AHDC1: variants seen among roughly 807,000 people sequenced by gnomAD.
The protein encoded by AHDC1 is transcription factor Gibbin.
In AHDC1, 7 loss-of-function variants were observed where a neutral mutation model predicts 87.9. That is an observed-to-expected ratio of 0.08 (90% CI 0.05 to 0.15). The LOEUF is 0.15. AHDC1 is among the 10% of genes least tolerant of loss of function. The probability of loss-of-function intolerance (pLI) is 1.00; values close to 1 mark genes in which losing one functional copy is unlikely to be tolerated. For synonymous variants in AHDC1, 1,051 were observed against 1,006.8 expected, an observed-to-expected ratio of 1.04 and a Z score of -0.83; for missense variants, 1,841 against 2,253.2, an observed-to-expected ratio of 0.82 and a Z score of 3.70.
Position 27,548,800 on chromosome 1 carries a change from A to G in AHDC1, c.3316T>C (p.Ser1106Pro), listed in dbSNP as rs1351573731. The part of the protein sequence containing the change: ...PENCRQFAGA[S>P]QWPFRQGYGG... ...TAGCCCTGCCGGAAAGGCCACTGAG[A>G]AGCCCCCGCAAACTGCCGACAGTTC... is the stretch of plus-strand genomic sequence containing the variant. Residue 1106 changes from serine to proline, a missense_variant, in exon 8 of 9, where the codon TCT becomes CCT. Coordinates refer to ENST00000673934, the MANE Select transcript of AHDC1 (RefSeq NM_001371928.1). 6.2e-6 allele frequency: 10 copies of G among 1,612,742 alleles called. No individual in the cohort carries two copies. The highest frequency in any genetic ancestry group is 8.5e-6 in the Non-Finnish European group (10 of 1,179,768).
In AHDC1 at chr1:27,593,557, C is replaced by T. The variant is rs534305225; in HGVS notation, c.-629+9840G>A. Among the ~76,000 whole-genome samples, 1 of 152,354 alleles carries T rather than the reference C, an allele frequency of 6.6e-6. No individual in the cohort carries two copies. The highest frequency in any genetic ancestry group is 2.4e-5 in the African/African-American group (1 of 41,576). ...GGCCCTTGGTGCTGCCCCAGTCCCA[C>T]AGCCACGGCTCCAGCTGGGGTCAGG... On this transcript the variant is annotated intron_variant, in intron 3 of 8. Transcript: ENST00000673934. The surrounding 1 kb of genome is among the most constrained non-coding windows in gnomAD (Gnocchi z 4.9).
chr1:27,539,690 C>A (rs2018817946), intron 8 of AHDC1, among the ~76,000 whole-genome samples: 1 of 152,120 alleles, frequency 6.6e-6, no homozygotes, highest in Non-Finnish European at 1.5e-5. Flanking sequence ...GTGATCCACC[C>A]ACCTCGGCCT....
chr1:27,579,094 G>C (rs1215396921), intron 3 of AHDC1, among the ~76,000 whole-genome samples: 1 of 149,208 alleles, frequency 6.7e-6, no homozygotes, highest in African/African-American at 2.5e-5. Context: ...ACTCAGGCTA[G>C]AGTGCAGCGG....
rs2020278692 is a variant in AHDC1, at chr1:27,565,477, G to A, written c.-628-6594C>T. On this transcript the variant is annotated intron_variant, in intron 3 of 8. Transcript: ENST00000673934. The surrounding 1 kb of genome is among the most constrained non-coding windows in gnomAD (Gnocchi z 4.6). ...GGGGCTGCCAGTCTTGAAGGGAGGCGAGGCACTGTCCTCCACCCAACCCTT... is the reference window on the plus strand; with the variant it reads ...GGGGCTGCCAGTCTTGAAGGGAGGCAAGGCACTGTCCTCCACCCAACCCTT... Among the ~76,000 whole-genome samples the A allele has an allele frequency of 6.6e-6, 1 of 152,192 alleles. No individual in the cohort carries two copies. The highest frequency in any genetic ancestry group is 2.1e-4 in the South Asian group (1 of 4,834).
At chr1:27,581,286 C>A (rs2088900577) in intron 3 of AHDC1, among the ~76,000 whole-genome samples, 1 of 152,126 alleles carries the variant, frequency 6.6e-6, no homozygotes, top group Non-Finnish European at 1.5e-5. Context: ...TGTGCCATCA[C>A]ACCTGGCTAC....
At chr1:27,591,989 C>T (rs774987882) in intron 3 of AHDC1, among the ~76,000 whole-genome samples, 8 of 152,180 alleles carry the variant, frequency 5.3e-5, no homozygotes, top group Admixed American at 2.6e-4. Flanking sequence ...TGGCTGGAGG[C>T]GATCCAGCTT....
At chr1:27,600,562 G>A (rs1033166554) in intron 3 of AHDC1, among the ~76,000 whole-genome samples, 1 of 152,164 alleles carries the variant, frequency 6.6e-6, no homozygotes, top group Non-Finnish European at 1.5e-5. Flanking sequence ...GGAAGCCCCT[G>A]TCCAATGGGG....
In AHDC1 at chr1:27,598,905, C is replaced by A. The variant is rs950648827; in HGVS notation, c.-629+4492G>T. Among the ~76,000 whole-genome samples the A allele has an allele frequency of 2.0e-5, 3 of 152,192 alleles. No homozygotes were observed. Among genetic ancestry groups the A allele is most frequent in the Non-Finnish European group, 4.4e-5 (3 of 68,028 alleles). Reference sequence around the variant, plus strand: ...GACAGCGCCCCCGTCACAAAGCCAGCAGCTTCAGACAGCATCCCTTAACAT... The same window carrying A: ...GACAGCGCCCCCGTCACAAAGCCAGAAGCTTCAGACAGCATCCCTTAACAT... On this transcript the variant is annotated intron_variant, in intron 3 of 8. Coordinates refer to ENST00000673934, the MANE Select transcript of AHDC1 (RefSeq NM_001371928.1). The surrounding 1 kb of genome is among the most constrained non-coding windows in gnomAD (Gnocchi z 4.2).
intron 7 of AHDC1, chr1:27,552,542 C>CA (rs2019627390): frequency 6.0e-6 from 1 of 165,398 alleles, no homozygotes; most frequent in Non-Finnish European, 1.3e-5. Flanking sequence ...GGATTACAGG[C>CA]ATGCGCCACC....
In AHDC1 at chr1:27,560,260, G is replaced by A. The variant is rs931457557; in HGVS notation, c.-628-1377C>T. Among the ~76,000 whole-genome samples the A allele has an allele frequency of 2.6e-5, 4 of 151,890 alleles. No individual in the cohort carries two copies. Among genetic ancestry groups the A allele is most frequent in the Admixed American group, 2.0e-4 (3 of 15,258 alleles). On this transcript the variant is annotated intron_variant, in intron 3 of 8. Transcript: ENST00000673934. This position sits in a 1 kb window ranked among gnomAD's most constrained non-coding sequence, Gnocchi z 4.1. ...AGCCTGTTTGTGTGTGAGGACACAGGGGTGCATGTGTGCCTGTGTGTAGCC... is the reference window on the plus strand; with the variant it reads ...AGCCTGTTTGTGTGTGAGGACACAGAGGTGCATGTGTGCCTGTGTGTAGCC...
chr1:27,570,560 C>T (rs1309159494), intron 3 of AHDC1, among the ~76,000 whole-genome samples: 1 of 152,112 alleles, frequency 6.6e-6, no homozygotes, highest in East Asian at 1.9e-4. Flanking sequence ...AAAACCTAGC[C>T]AACCTCCCCT....
At chr1:27,574,005 T>C (rs1466528988) in intron 3 of AHDC1, among the ~76,000 whole-genome samples, 1 of 151,680 alleles carries the variant, frequency 6.6e-6, no homozygotes, top group East Asian at 1.9e-4. Context: ...ATAGGAGAGG[T>C]TGGGAGTTGA....
chr1:27,534,651 T>G lies in AHDC1; in HGVS notation c.*309A>C, dbSNP rs866185006. 3.3e-5 allele frequency: 5 copies of G among 150,498 alleles called. No individual in the cohort carries two copies. Among genetic ancestry groups the G allele is most frequent in the Non-Finnish European group, 7.5e-5 (5 of 67,048 alleles). The allele number at this position is 150,498 out of a possible 1,614,324, so 9.3% of individuals were successfully genotyped here. A position where few individuals can be genotyped will look rare whatever the true frequency, so the allele number is the denominator to read the frequency against. ...CTTGCACACGCTCGCTCTCTCGCTC[T>G]CTCTCTCTCTTTTTTTTTTTTGTCT... On this transcript the variant is annotated 3_prime_UTR_variant, in exon 9 of 9. Transcript: ENST00000673934.
At chr1:27,552,280 T>A in intron 7 of AHDC1, 91 bp from the exon 8 acceptor site, 1 of 1,217,768 alleles carries the variant, frequency 8.2e-7, no homozygotes, top group South Asian at 2.9e-5. Context: ...GACCCCTCCC[T>A]CCTGAGGTCT....
In AHDC1 at chr1:27,551,219, G is replaced by A. The variant is rs564569873; in HGVS notation, c.897C>T (p.Pro299=). 69 of 1,609,830 alleles carry A rather than the reference G, an allele frequency of 4.3e-5. 1 individual carries two copies. The South Asian group carries it at 6.5e-4, about 15-fold the overall frequency. Residue 299 remains proline (P), a synonymous_variant, in exon 8 of 9, where the codon CCC becomes CCT. Transcript: ENST00000673934. The stretch of plus-strand genomic sequence containing the variant: ...CCAGAGGATCAGCAAGAGGTTGCAG[G>A]GGTGGCAGCTCCAGAGCTTCCCCGA... ...EPLGEALELP[P]LQPLADPLGL...
At chr1:27,559,922 A>G (rs990017786) in intron 3 of AHDC1, among the ~76,000 whole-genome samples, 2 of 152,166 alleles carry the variant, frequency 1.3e-5, no homozygotes, top group African/African-American at 4.8e-5. Flanking sequence ...GTGCAAATGC[A>G]TATCTGTCAA....
intron 3 of AHDC1, among the ~76,000 whole-genome samples, chr1:27,602,332 G>A (rs1279555536): frequency 4.6e-5 from 7 of 152,022 alleles, no homozygotes; most frequent in Admixed American, 1.3e-4. Flanking sequence ...TCCCGCCTCC[G>A]GCCAGCAAGG....
chr1:27,538,003 C>T (rs2018723089), intron 8 of AHDC1, among the ~76,000 whole-genome samples: 1 of 152,196 alleles, frequency 6.6e-6, no homozygotes, highest in Non-Finnish European at 1.5e-5. Flanking sequence ...TGTATTCATG[C>T]CCACTGGCTG....
At position 27,584,630 on chromosome 1, in the gene AHDC1, G is replaced by A. The variant is rs995041400; in HGVS notation, c.-629+18767C>T. On this transcript the variant is annotated intron_variant, in intron 3 of 8. Coordinates refer to ENST00000673934, the MANE Select transcript of AHDC1 (RefSeq NM_001371928.1). ...GGCCAACCCTTCCACCTCTCCCATT[G>A]GTGGCCAGCACTGTAGCGGGGTGAG... Among the ~76,000 whole-genome samples the A allele has an allele frequency of 7.2e-5, 11 of 152,228 alleles. No individual in the cohort carries two copies. The East Asian group carries it at 2.1e-3, about 29-fold the overall frequency.
Sources: allele counts gnomAD v4.1 joint callset (sites outside exome capture counted in the v4.1 genomes callset), GRCh38; gene constraint gnomAD v4.1.1; non-coding constraint Gnocchi (gnomAD v3.1); transcripts MANE v1.5; gene names NCBI Gene and HGNC (gene_info 2026-07-23, HGNC 2026-07-21).